MRPL48: variants seen among roughly 807,000 people sequenced by gnomAD.
MRPL48 encodes mitochondrial ribosomal protein L48, also known as large ribosomal subunit protein mL48.
MRPL48 carries 16 observed loss-of-function variants against 32.9 expected under a neutral mutation model. The ratio of observed to expected loss-of-function variants is 0.49; its 90% CI spans 0.33 to 0.74. MRPL48 has a LOEUF of 0.74. Ranked by LOEUF, MRPL48 falls within the 30% of genes least tolerant of loss-of-function variation. The probability of loss-of-function intolerance (pLI) is 0.02; values close to 1 mark genes in which losing one functional copy is unlikely to be tolerated. For synonymous variants in MRPL48, 94 were observed against 89.2 expected (o/e 1.05, Z -0.31); for missense variants, 206 against 245.3 (o/e 0.84, Z 1.07).
intron 1 of MRPL48, among the ~76,000 whole-genome samples, chr11:73,798,994 C>CCAA: frequency 7.8e-6 from 1 of 128,456 alleles, no homozygotes; most frequent in East Asian, 2.3e-4. Context: ...CCCTCTCAAG[C>CCAA]AAAAAAAAAA....
At position 73,811,249 on chromosome 11, in the gene MRPL48, C is replaced by T. The variant is rs533147431; in HGVS notation, c.112+2899C>T. 2.2e-4 allele frequency among the ~76,000 whole-genome samples: 34 copies of T among 152,206 alleles called. No homozygotes were observed. In the South Asian group the frequency reaches 6.8e-3, roughly 31 times the overall value. Reference sequence around the variant, plus strand: ...CCTTGGATTTTAGCAATCTAGAGGTCACTGGTGACCTTAGGGAGGGTAGTC... The same window carrying T: ...CCTTGGATTTTAGCAATCTAGAGGTTACTGGTGACCTTAGGGAGGGTAGTC... On this transcript the variant is annotated intron_variant, in intron 3 of 7. Transcript: ENST00000310614.
At position 73,808,311 on chromosome 11, in the gene MRPL48, A is replaced by C; in HGVS notation, c.75-2A>C. The stretch of plus-strand genomic sequence containing the variant: ...TTGAACATACTTTCTCCCTCCTTTT[A>C]GGTTTAGAACTTCAGGAGAGAAGCC... On this transcript the variant is annotated splice_acceptor_variant, in intron 2 of 7. Transcript: ENST00000310614. LOFTEE classifies it high-confidence loss of function. 6.2e-7 allele frequency: 1 copy of C among 1,605,790 alleles called. No homozygotes were observed. The highest frequency in any genetic ancestry group is 8.5e-7 in the Non-Finnish European group (1 of 1,175,156).
chr11:73,841,765 A>C (rs999544225), intron 4 of MRPL48, among the ~76,000 whole-genome samples: 1 of 152,196 alleles, frequency 6.6e-6, no homozygotes, highest in Non-Finnish European at 1.5e-5. Flanking sequence ...TAATGCAATA[A>C]AAATTTACTA....
chr11:73,855,470 T>C (rs1948468686), intron 5 of MRPL48, among the ~76,000 whole-genome samples: 1 of 152,172 alleles, frequency 6.6e-6, no homozygotes, highest in African/African-American at 2.4e-5. Flanking sequence ...TCTAACTAGC[T>C]TCTACTTTTT....
chr11:73,860,644 C>G (rs1948568710), intron 6 of MRPL48, among the ~76,000 whole-genome samples: 1 of 152,108 alleles, frequency 6.6e-6, no homozygotes, highest in Admixed American at 6.6e-5. Flanking sequence ...CATGAGAGTA[C>G]CCAGAGGTAT....
intron 5 of MRPL48, among the ~76,000 whole-genome samples, chr11:73,845,795 C>T (rs551196309): frequency 6.6e-6 from 1 of 151,974 alleles, no homozygotes; most frequent in South Asian, 2.1e-4. Flanking sequence ...AAGCCAGGCG[C>T]GGTAGCTCAT....
Position 73,859,932 on chromosome 11 carries a change from G to GA in MRPL48, c.399dup (p.Val134SerfsTer21), listed in dbSNP as rs754896880. Reference sequence around the variant, plus strand: ...TTATGCAATGCCAACCAAAACCATAGAAGTGTTGCAGTTGCAGGACCAAGG... The same window carrying GA: ...TTATGCAATGCCAACCAAAACCATAGAAAGTGTTGCAGTTGCAGGACCAAGG... On this transcript the variant is annotated frameshift_variant, in exon 6 of 8. Transcript: ENST00000310614. LOFTEE classifies it high-confidence loss of function. 6.2e-7 allele frequency: 1 copy of GA among 1,613,800 alleles called. No individual in the cohort carries two copies. Among genetic ancestry groups the GA allele is most frequent in the Admixed American group, 1.7e-5 (1 of 60,008 alleles).
rs745644928 is a variant in MRPL48, at chr11:73,831,032, G to GT, written c.201+5239dup. On this transcript the variant is annotated intron_variant, in intron 4 of 7. Transcript: ENST00000310614. ...TTTTTGTATTTTTAGTAGAGATGGG[G>GT]TTTCATCATGTTGGCCAGGCTGGTC... 5.9e-5 allele frequency among the ~76,000 whole-genome samples: 9 copies of GT among 152,002 alleles called. No individual in the cohort carries two copies. In the East Asian group the frequency reaches 9.7e-4, roughly 16 times the overall value.
intron 1 of MRPL48, among the ~76,000 whole-genome samples, chr11:73,798,691 G>A (rs1211155842): frequency 6.6e-6 from 1 of 152,020 alleles, no homozygotes; most frequent in South Asian, 2.1e-4. Context: ...GGTTGCGTAC[G>A]TGGGAAAGGT....
intron 3 of MRPL48, among the ~76,000 whole-genome samples, chr11:73,822,082 C>A (rs1947794940): frequency 6.6e-6 from 1 of 152,092 alleles, no homozygotes. Context: ...GTTGGAGAGT[C>A]TAGAGCCCGA....
At chr11:73,816,706 C>T (rs1044907296) in intron 3 of MRPL48, among the ~76,000 whole-genome samples, 30 of 152,092 alleles carry the variant, frequency 2.0e-4, no homozygotes, top group African/African-American at 6.5e-4. Context: ...TTAGGTGATC[C>T]GCCCGCCTTG....
intron 3 of MRPL48, among the ~76,000 whole-genome samples, chr11:73,809,612 A>T (rs1009931196): frequency 6.6e-6 from 1 of 152,308 alleles, no homozygotes; most frequent in Admixed American, 6.5e-5. Context: ...TCATCAGGCT[A>T]GGGCTTTTCT....
chr11:73,816,542 TG>T (rs1464636654), intron 3 of MRPL48, among the ~76,000 whole-genome samples: 1 of 151,820 alleles, frequency 6.6e-6, no homozygotes, highest in Non-Finnish European at 1.5e-5. Context: ...CTTGGCCCAC[TG>T]CAACCTCCAC....
intron 5 of MRPL48, among the ~76,000 whole-genome samples, chr11:73,852,113 T>G (rs944792025): frequency 3.9e-5 from 6 of 152,184 alleles, no homozygotes; most frequent in African/African-American, 1.4e-4. Context: ...TGCCAAAATG[T>G]ACATTAATAC....
intron 5 of MRPL48, among the ~76,000 whole-genome samples, chr11:73,852,660 A>G (rs1487918304): frequency 6.6e-6 from 1 of 152,220 alleles, no homozygotes; most frequent in Non-Finnish European, 1.5e-5. Context: ...ATTGAAAATT[A>G]GTACAACCAT....
chr11:73,800,810 C>CTTTTTTTTT (rs1223951183), intron 1 of MRPL48, among the ~76,000 whole-genome samples: 2 of 132,870 alleles, frequency 1.5e-5, no homozygotes, highest in African/African-American at 5.6e-5. Flanking sequence ...TTTTCTTTTT[C>CTTTTTTTTT]TTTTTTTTTT....
intron 6 of MRPL48, among the ~76,000 whole-genome samples, chr11:73,861,939 C>T (rs974922343): frequency 2.6e-5 from 4 of 152,152 alleles, no homozygotes; most frequent in Non-Finnish European, 4.4e-5. Context: ...CTTAGCACAG[C>T]GTTTGACACC....
intron 3 of MRPL48, among the ~76,000 whole-genome samples, chr11:73,817,001 G>T (rs886930560): frequency 2.0e-5 from 3 of 149,756 alleles, no homozygotes; most frequent in Non-Finnish European, 3.0e-5. Flanking sequence ...AATTGTTTTT[G>T]TATTTTTTTT....
rs556248241 is a variant in MRPL48, at chr11:73,793,789, C to T, written c.21+5797C>T. ...ATAATTCCAACACTTTGAAAAGCTG[C>T]AGTGGGTGGATTGCTTGAGCTCAGG... On this transcript the variant is annotated intron_variant, in intron 1 of 7. Coordinates refer to ENST00000310614, the MANE Select transcript of MRPL48 (RefSeq NM_016055.6). Among the ~76,000 whole-genome samples the T allele has an allele frequency of 2.2e-4, 33 of 151,120 alleles. No homozygotes were observed. In the South Asian group the frequency reaches 6.7e-3, roughly 31 times the overall value.
Sources: allele counts gnomAD v4.1 joint callset (sites outside exome capture counted in the v4.1 genomes callset), GRCh38; gene constraint gnomAD v4.1.1; transcripts MANE v1.5; gene names NCBI Gene and HGNC (gene_info 2026-07-23, HGNC 2026-07-21).